The following ABHD18 variants were observed in gnomAD, a reference collection of about 807,000 sequenced individuals.
The protein encoded by ABHD18 is cardiolipin-specific deacylase, mitochondrial.
Under a neutral mutation model 65.9 loss-of-function variants are expected in ABHD18, and 55 were observed. The observed-to-expected ratio is 0.84, with a 90% confidence interval of 0.67 to 1.05. ABHD18 has a LOEUF of 1.05. Ranked by LOEUF, ABHD18 falls within the 50% of genes least tolerant of loss-of-function variation. The pLI, the probability that ABHD18 is intolerant of heterozygous loss-of-function variation, is 0.00. For synonymous variants in ABHD18, 181 were observed against 180.2 expected, an observed-to-expected ratio of 1.00 and a Z score of -0.04; for missense variants, 533 against 558.5, an observed-to-expected ratio of 0.95 and a Z score of 0.46.
intron 8 of ABHD18, among the ~76,000 whole-genome samples, chr4:128,017,917 T>C (rs901770344): frequency 1.3e-5 from 2 of 152,192 alleles, no homozygotes; most frequent in African/African-American, 4.8e-5. Flanking sequence ...GCTTTCTCTG[T>C]CTCTAGTCTT....
At chr4:127,973,868 C>T (rs1747350784) in intron 1 of ABHD18, among the ~76,000 whole-genome samples, 1 of 148,444 alleles carries the variant, frequency 6.7e-6, no homozygotes, top group Middle Eastern at 3.4e-3. Context: ...GTCCCACAGC[C>T]ACACACAAAA....
chr4:128,030,062 G>A (rs1277784591), intron 11 of ABHD18, among the ~76,000 whole-genome samples: 1 of 152,116 alleles, frequency 6.6e-6, no homozygotes, highest in Non-Finnish European at 1.5e-5. Context: ...AGTTAAGGAG[G>A]GAGGATCACT....
Position 128,028,537 on chromosome 4 carries a change from A to T in ABHD18, c.864A>T (p.Leu288=). Reference sequence around the variant, plus strand: ...ACTTCACTAGCAGTGCAGACAAGCTAACTAACCTTAATCTGGTTTCCAGAA... The same window carrying T: ...ACTTCACTAGCAGTGCAGACAAGCTTACTAACCTTAATCTGGTTTCCAGAA... ...VKHFTSSADK[L]TNLNLVSRTL... The change falls in exon 11 of 13, where the codon CTA becomes CTT. Residue 288 remains leucine, a synonymous_variant. Transcript: ENST00000645843. The T allele has an allele frequency of 4.3e-6, 7 of 1,609,926 alleles. No homozygotes were observed. Among genetic ancestry groups the T allele is most frequent in the Non-Finnish European group, 5.1e-6 (6 of 1,177,840 alleles).
chr4:128,034,643 C>T (rs1409275243), intron 12 of ABHD18, among the ~76,000 whole-genome samples: 2 of 151,696 alleles, frequency 1.3e-5, no homozygotes, highest in Non-Finnish European at 2.9e-5. Flanking sequence ...TTGTCTATTC[C>T]TTTTCTTTTT....
chr4:127,970,872 C>T (rs1029615475), intron 1 of ABHD18, among the ~76,000 whole-genome samples: 3 of 151,618 alleles, frequency 2.0e-5, no homozygotes, highest in African/African-American at 7.3e-5. Flanking sequence ...GCCAGGAGTT[C>T]CAGACCAGCC....
chr4:127,986,299 A>G (rs76056299), intron 3 of ABHD18, among the ~76,000 whole-genome samples: 2,997 of 152,294 alleles, frequency 0.02, 90 homozygotes, highest in African/African-American at 0.067. Context: ...TGGCTTCTTC[A>G]CTTAGCATAA....
intron 1 of ABHD18, among the ~76,000 whole-genome samples, chr4:127,980,024 T>TA (rs1748726992): frequency 6.6e-6 from 1 of 152,328 alleles, no homozygotes; most frequent in East Asian, 1.9e-4. Flanking sequence ...AAAAATGTGT[T>TA]ACATTACTTT....
At chr4:127,996,780 G>A (rs1002030339) in intron 4 of ABHD18, among the ~76,000 whole-genome samples, 1 of 152,132 alleles carries the variant, frequency 6.6e-6, no homozygotes, top group East Asian at 1.9e-4. Context: ...CTTCCCCAGG[G>A]TTATTCCTTC....
chr4:128,001,907 G>T, intron 4 of ABHD18: 1 of 1,008,744 alleles, frequency 9.9e-7, no homozygotes, highest in South Asian at 2.4e-5. Flanking sequence ...GAAAAAAACA[G>T]ATAAATTTTC....
intron 1 of ABHD18, among the ~76,000 whole-genome samples, chr4:127,974,650 G>T (rs999565900): frequency 6.5e-4 from 99 of 152,034 alleles, no homozygotes; most frequent in African/African-American, 2.3e-3. Flanking sequence ...AGGATTACAG[G>T]TGTGAGCCAT....
chr4:128,020,136 G>A lies in ABHD18; in HGVS notation c.666G>A (p.Leu222=). ...WPKPMPLIPC[L]SWSTASGVFT... is the part of the protein sequence containing the mutation. ...AGCCCATGCCATTGATTCCATGCCT[G>A]TCTTGGTCCACAGCATCTGGGGTCT... The change falls in exon 9 of 13, where the codon CTG becomes CTA. Residue 222 remains leucine, a synonymous_variant. Coordinates refer to ENST00000645843, the MANE Select transcript of ABHD18 (RefSeq NM_001358451.3). 1.2e-6 allele frequency: 2 copies of A among 1,613,632 alleles called. No homozygotes were observed. The highest frequency in any genetic ancestry group is 1.7e-6 in the Non-Finnish European group (2 of 1,179,682).
chr4:127,980,021 T>A (rs536115768), intron 1 of ABHD18, among the ~76,000 whole-genome samples: 17 of 152,158 alleles, frequency 1.1e-4, no homozygotes, highest in African/African-American at 3.9e-4. Flanking sequence ...GCCAAAAATG[T>A]GTTACATTAC....
At chr4:127,976,077 TA>T (rs1202058438) in intron 1 of ABHD18, among the ~76,000 whole-genome samples, 1 of 152,122 alleles carries the variant, frequency 6.6e-6, no homozygotes, top group Non-Finnish European at 1.5e-5. Flanking sequence ...CTCAGCCTCC[TA>T]AAGTGTTGGG....
intron 10 of ABHD18, among the ~76,000 whole-genome samples, chr4:128,026,703 A>G (rs1757416766): frequency 6.6e-6 from 1 of 152,122 alleles, no homozygotes; most frequent in African/African-American, 2.4e-5. Context: ...TTGTACAGTC[A>G]TGCTCTGCAT....
At chr4:127,975,441 A>G (rs1747729472) in intron 1 of ABHD18, among the ~76,000 whole-genome samples, 1 of 152,204 alleles carries the variant, frequency 6.6e-6, no homozygotes, top group Non-Finnish European at 1.5e-5. Flanking sequence ...ACTTAGCGTA[A>G]TGTCCTCTGA....
intron 12 of ABHD18, among the ~76,000 whole-genome samples, chr4:128,032,298 T>G (rs1229614025): frequency 6.6e-6 from 1 of 152,198 alleles, no homozygotes; most frequent in Non-Finnish European, 1.5e-5. Flanking sequence ...ACCTCTTCCA[T>G]TCCCCATCAG....
chr4:128,018,501 T>A (rs1228895878), intron 8 of ABHD18, among the ~76,000 whole-genome samples: 1 of 152,054 alleles, frequency 6.6e-6, no homozygotes, highest in African/African-American at 2.4e-5. Flanking sequence ...TAGCCAGGCA[T>A]GGTGGCACAT....
At chr4:127,991,270 T>G (rs972029375) in intron 4 of ABHD18, among the ~76,000 whole-genome samples, 3 of 152,174 alleles carry the variant, frequency 2.0e-5, no homozygotes, top group Non-Finnish European at 4.4e-5. Flanking sequence ...CTTGCTCTGT[T>G]GCCTAGGCTA....
chr4:128,015,658 G>A (rs938580612), intron 7 of ABHD18, among the ~76,000 whole-genome samples: 2 of 152,134 alleles, frequency 1.3e-5, no homozygotes, highest in Non-Finnish European at 2.9e-5. Flanking sequence ...GGACTTGGTA[G>A]GACAGTGGAA....
Sources: allele counts gnomAD v4.1 joint callset (sites outside exome capture counted in the v4.1 genomes callset), GRCh38; gene constraint gnomAD v4.1.1; transcripts MANE v1.5; gene names NCBI Gene and HGNC (gene_info 2026-07-23, HGNC 2026-07-21).